Variants in CARMIL1 observed in about 807,000 individuals in gnomAD.
CARMIL1 encodes the protein capping protein regulator and myosin 1 linker 1, also known as F-actin-uncapping protein LRRC16A.
CARMIL1 carries 90 observed loss-of-function variants against 177.1 expected under a neutral mutation model. That is an observed-to-expected ratio of 0.51 (90% CI 0.43 to 0.61). The LOEUF is 0.61. CARMIL1 is among the 20% of genes least tolerant of loss of function. The pLI, the probability that CARMIL1 is intolerant of heterozygous loss-of-function variation, is 0.00. For synonymous variants in CARMIL1, 577 were observed against 606.2 expected (o/e 0.95, Z 0.71); for missense variants, 1,380 against 1,667.0 (o/e 0.83, Z 3.00).
chr6:25,609,514 A>G (rs1816320919), intron 35 of CARMIL1, among the ~76,000 whole-genome samples: 1 of 151,158 alleles, frequency 6.6e-6, no homozygotes, highest in Non-Finnish European at 1.5e-5. Flanking sequence ...CTATTTAGTC[A>G]TCTTTTTCGT....
chr6:25,589,141 T>G (rs1005204305), intron 31 of CARMIL1, among the ~76,000 whole-genome samples: 2 of 152,246 alleles, frequency 1.3e-5, no homozygotes, highest in African/African-American at 2.4e-5. Flanking sequence ...AGCCATTGAT[T>G]GGCCATTCCA....
At chr6:25,615,431 T>C (rs1816820592) in intron 36 of CARMIL1, among the ~76,000 whole-genome samples, 1 of 152,236 alleles carries the variant, frequency 6.6e-6, no homozygotes, top group Admixed American at 6.5e-5. Flanking sequence ...TTTCATTTCA[T>C]ATTATTTCCT....
chr6:25,504,357 C>T (rs1360864112), intron 17 of CARMIL1, among the ~76,000 whole-genome samples: 1 of 152,140 alleles, frequency 6.6e-6, no homozygotes, highest in African/African-American at 2.4e-5. Flanking sequence ...TGTTCATTCT[C>T]ACCTTTCCTA....
chr6:25,444,645 T>C (rs958687799), intron 5 of CARMIL1, among the ~76,000 whole-genome samples: 1 of 152,212 alleles, frequency 6.6e-6, no homozygotes, highest in Non-Finnish European at 1.5e-5. Flanking sequence ...GTCCTTGTGA[T>C]AGTTTGCTGA....
intron 29 of CARMIL1, among the ~76,000 whole-genome samples, chr6:25,579,122 A>T (rs569726207): frequency 5.4e-4 from 81 of 149,826 alleles, no homozygotes; most frequent in African/African-American, 1.9e-3. Flanking sequence ...TATGTTTAAA[A>T]TTATAATATA....
At chr6:25,570,114 G>T (rs568312714) in intron 29 of CARMIL1, among the ~76,000 whole-genome samples, 1 of 152,166 alleles carries the variant, frequency 6.6e-6, no homozygotes, top group Admixed American at 6.5e-5. Context: ...ACAGGCGCCC[G>T]CCACCAAGCC....
At chr6:25,487,528 A>G (rs1381063410) in intron 12 of CARMIL1, among the ~76,000 whole-genome samples, 1 of 152,256 alleles carries the variant, frequency 6.6e-6, no homozygotes, top group African/African-American at 2.4e-5. Context: ...TTTCTAAAAT[A>G]TATAATTTGG....
rs892435724 is a variant in CARMIL1, at chr6:25,620,061, G to C, written c.*478G>C. On this transcript the variant is annotated 3_prime_UTR_variant, in exon 37 of 37. Coordinates refer to ENST00000329474, the MANE Select transcript of CARMIL1 (RefSeq NM_017640.6). The stretch of plus-strand genomic sequence containing the variant: ...GGACTCAATATAGCAATTTATTCTT[G>C]ATGTATGCAATTGCACATTGTAATT... The C allele has an allele frequency of 6.5e-6, 1 of 152,706 alleles. No individual in the cohort carries two copies. The highest frequency in any genetic ancestry group is 2.4e-5 in the African/African-American group (1 of 41,408). 9.5% of individuals were successfully genotyped at this position (152,706 alleles called of 1,614,324 possible). A position where few individuals can be genotyped will look rare whatever the true frequency, so the allele number is the denominator to read the frequency against.
intron 9 of CARMIL1, among the ~76,000 whole-genome samples, 178 bp from the exon 10 acceptor site, chr6:25,470,991 A>G (rs1401279058): frequency 6.6e-6 from 1 of 152,150 alleles, no homozygotes; most frequent in Admixed American, 6.5e-5. Context: ...TTTCTCCTTT[A>G]TATCATTGTA....
chr6:25,299,429 C>T (rs113575687), intron 2 of CARMIL1, among the ~76,000 whole-genome samples: 7,459 of 151,922 alleles, frequency 0.049, 570 homozygotes, highest in African/African-American at 0.17. Context: ...GCCTCGGCCT[C>T]CCAAAGTGCT....
intron 16 of CARMIL1, among the ~76,000 whole-genome samples, chr6:25,498,502 G>T (rs1803966965): frequency 6.6e-6 from 1 of 152,092 alleles, no homozygotes; most frequent in African/African-American, 2.4e-5. Context: ...ATAGTTAAAT[G>T]CCTTAAAGCA....
chr6:25,416,839 C>T (rs1202010662), intron 2 of CARMIL1, among the ~76,000 whole-genome samples: 1 of 152,070 alleles, frequency 6.6e-6, no homozygotes, highest in African/African-American at 2.4e-5. Context: ...ATGTTGAGAC[C>T]TTTCTGGCAT....
At chr6:25,450,310 C>T (rs952110902) in intron 6 of CARMIL1, 29 bp from the exon 7 acceptor site, 5 of 1,531,266 alleles carry the variant, frequency 3.3e-6, no homozygotes, top group Non-Finnish European at 4.5e-6. Context: ...TTGCCAAAGA[C>T]CTGTCAGTGT....
intron 15 of CARMIL1, among the ~76,000 whole-genome samples, chr6:25,494,687 G>T (rs1803528044): frequency 6.6e-6 from 1 of 152,170 alleles, no homozygotes; most frequent in Admixed American, 6.5e-5. Flanking sequence ...TCACAGTCTT[G>T]TTGCATGTGA....
At chr6:25,492,788 TTG>T (rs1338989011) in intron 15 of CARMIL1, among the ~76,000 whole-genome samples, 20 of 152,284 alleles carry the variant, frequency 1.3e-4, no homozygotes, top group African/African-American at 4.8e-4. Flanking sequence ...CCTCACTTAT[TTG>T]GAAAATTCAG....
intron 31 of CARMIL1, among the ~76,000 whole-genome samples, chr6:25,593,146 C>T (rs1403235883): frequency 6.6e-6 from 1 of 152,148 alleles, no homozygotes; most frequent in African/African-American, 2.4e-5. Flanking sequence ...TCCCTAGAAC[C>T]ATGTCCCCAT....
At chr6:25,330,888 G>GTTT (rs67633087) in intron 2 of CARMIL1, among the ~76,000 whole-genome samples, 5 of 118,206 alleles carry the variant, frequency 4.2e-5, no homozygotes, top group Non-Finnish European at 8.6e-5. Context: ...TTTTCAAGAG[G>GTTT]TTTTTTTTTT....
chr6:25,431,955 A>G (rs187492802), intron 4 of CARMIL1, among the ~76,000 whole-genome samples: 39 of 152,350 alleles, frequency 2.6e-4, no homozygotes, highest in African/African-American at 8.9e-4. Context: ...GACTGGCAAT[A>G]CTAGTAACCT....
intron 2 of CARMIL1, among the ~76,000 whole-genome samples, chr6:25,385,566 G>C (rs1476041134): frequency 1.3e-5 from 2 of 152,170 alleles, no homozygotes; most frequent in Non-Finnish European, 2.9e-5. Context: ...TTTTCACATA[G>C]ATAAACAGAA....
Sources: gnomAD v4.1 joint callset for allele counts (sites outside exome capture counted in the v4.1 genomes callset) on GRCh38, gnomAD v4.1.1 for gene constraint, MANE v1.5 for transcripts, NCBI Gene and HGNC (gene_info 2026-07-23, HGNC 2026-07-21) for gene names.